Variants in PSD3 observed in about 807,000 individuals in gnomAD.
PSD3 encodes pleckstrin and Sec7 domain containing 3, also known as PH and SEC7 domain-containing protein 3.
PSD3 carries 49 observed loss-of-function variants against 105.5 expected under a neutral mutation model. That is an observed-to-expected ratio of 0.46 (90% CI 0.37 to 0.59). The LOEUF (loss-of-function observed/expected upper bound fraction) is 0.59. Ranked by LOEUF, PSD3 falls within the 20% of genes least tolerant of loss-of-function variation. The pLI, the probability that PSD3 is intolerant of heterozygous loss-of-function variation, is 0.00. For missense variants in PSD3, 1,561 were observed against 1,263.8 expected (o/e 1.24, Z -3.57); for synonymous variants, 557 against 457.8 (o/e 1.22, Z -2.77).
intron 1 of PSD3, among the ~76,000 whole-genome samples, chr8:19,038,140 C>T (rs1442966795): frequency 6.6e-6 from 1 of 152,000 alleles, no homozygotes; most frequent in African/African-American, 2.4e-5. Context: ...AATTATCAGC[C>T]AACATGTGGC....
chr8:18,645,177 T>C (rs73587576), intron 10 of PSD3, among the ~76,000 whole-genome samples: 8,742 of 152,270 alleles, frequency 0.057, 349 homozygotes, highest in African/African-American at 0.11. Context: ...TAACACTGCA[T>C]TGGGGATTAA....
chr8:18,865,738 C>T (rs1816883281), intron 4 of PSD3, among the ~76,000 whole-genome samples: 1 of 152,108 alleles, frequency 6.6e-6, no homozygotes, highest in Admixed American at 6.6e-5. Context: ...ACCACTAGAA[C>T]GTGGTCCTTT....
intron 4 of PSD3, among the ~76,000 whole-genome samples, chr8:18,839,126 T>G (rs1030370286): frequency 2.6e-5 from 4 of 152,014 alleles, no homozygotes; most frequent in Non-Finnish European, 5.9e-5. Context: ...GCCAGGCTGC[T>G]TGCAGCTCAT....
chr8:19,068,062 G>C (rs2129477817), intron 1 of PSD3, among the ~76,000 whole-genome samples: 1 of 152,222 alleles, frequency 6.6e-6, no homozygotes, highest in South Asian at 2.1e-4. Flanking sequence ...TCACAGCTCA[G>C]GTCTGTGTGC....
chr8:18,742,569 T>G (rs1804659882), intron 9 of PSD3, among the ~76,000 whole-genome samples: 1 of 152,214 alleles, frequency 6.6e-6, no homozygotes, highest in South Asian at 2.1e-4. Flanking sequence ...CATAGATAGC[T>G]TTTGTGAAGG....
chr8:18,955,198 A>C (rs1256573801), intron 1 of PSD3, among the ~76,000 whole-genome samples: 1 of 152,152 alleles, frequency 6.6e-6, no homozygotes, highest in Non-Finnish European at 1.5e-5. Flanking sequence ...TCTGGAATCT[A>C]TCTGAAGGGG....
intron 10 of PSD3, among the ~76,000 whole-genome samples, chr8:18,633,059 G>A (rs1807014853): frequency 6.6e-6 from 1 of 151,956 alleles, no homozygotes. Flanking sequence ...GAGTTTAAAT[G>A]TACAAGGCCA....
At chr8:18,911,953 C>T (rs1820252213) in intron 2 of PSD3, among the ~76,000 whole-genome samples, 1 of 152,176 alleles carries the variant, frequency 6.6e-6, no homozygotes, top group African/African-American at 2.4e-5. Flanking sequence ...ACTATCCGTC[C>T]ACAAACAGCC....
chr8:18,981,520 G>C lies in PSD3; in HGVS notation c.21+32043C>G, dbSNP rs528605884. 3.9e-5 allele frequency among the ~76,000 whole-genome samples: 6 copies of C among 152,286 alleles called. No individual in the cohort carries two copies. In the East Asian group the frequency reaches 1.2e-3, roughly 29 times the overall value. ...GTTGTTATAAGGAACAAGTAAGCTA[G>C]CACTTGAAAAGTATTTAGAAGACTT... is the stretch of plus-strand genomic sequence containing the variant. On this transcript the variant is annotated intron_variant, in intron 1 of 15. Transcript: ENST00000327040.
intron 9 of PSD3, among the ~76,000 whole-genome samples, chr8:18,684,426 G>A (rs1313768906): frequency 2.0e-5 from 3 of 152,096 alleles, no homozygotes; most frequent in African/African-American, 7.2e-5. Context: ...GGCACCATGT[G>A]GGGTGGGAAC....
At chr8:18,669,102 G>C (rs372601281) in intron 9 of PSD3, among the ~76,000 whole-genome samples, 1 of 152,102 alleles carries the variant, frequency 6.6e-6, no homozygotes, top group African/African-American at 2.4e-5. Flanking sequence ...CCTACATAGC[G>C]TACCTTGCTT....
intron 4 of PSD3, among the ~76,000 whole-genome samples, chr8:18,855,697 G>A (rs1328081372): frequency 1.8e-5 from 1 of 55,256 alleles, no homozygotes; most frequent in Non-Finnish European, 3.1e-5. Context: ...TGAAAAGTGT[G>A]TGAAACACTG....
At chr8:18,712,764 C>T (rs190613302) in intron 9 of PSD3, among the ~76,000 whole-genome samples, 280 of 152,272 alleles carry the variant, frequency 1.8e-3, no homozygotes, top group Middle Eastern at 0.014. Flanking sequence ...AAAGGAAGAA[C>T]TCCTCCCTTA....
rs1446099303 is a variant in PSD3, at chr8:18,872,640, G to T, written c.224C>A (p.Ala75Asp). Residue 75 changes from alanine to aspartate, a missense_variant, in exon 3 of 16, where the codon GCT (alanine) becomes GAT (aspartate). Physicochemically the swap from Ala to Asp is moderately radical, Grantham distance 126. Transcript: ENST00000327040. ...AGCCTCACCATCAAATTCCAGAGAAGCCCTTAGGCCTTCTCCACCTTCCTC... is the reference window on the plus strand; with the variant it reads ...AGCCTCACCATCAAATTCCAGAGAATCCCTTAGGCCTTCTCCACCTTCCTC... ...TMEEGGEGLR[A>D]SLEFDGEALP... 2 of 1,613,390 alleles carry T rather than the reference G, an allele frequency of 1.2e-6. No homozygotes were observed. The highest frequency in any genetic ancestry group is 2.2e-5 in the South Asian group (2 of 90,924).
intron 1 of PSD3, among the ~76,000 whole-genome samples, chr8:18,952,156 G>A (rs1227026356): frequency 6.6e-6 from 1 of 152,090 alleles, no homozygotes; most frequent in African/African-American, 2.4e-5. Flanking sequence ...TCACCAAGAG[G>A]TGTCCTCAAT....
At chr8:18,616,675 G>A (rs1484167438) in intron 11 of PSD3, among the ~76,000 whole-genome samples, 6 of 136,602 alleles carry the variant, frequency 4.4e-5, no homozygotes, top group African/African-American at 1.6e-4. Flanking sequence ...CCAGGCTGGA[G>A]TGCAGTGGCG....
chr8:19,019,715 C>T (rs1827299831), intron 1 of PSD3, among the ~76,000 whole-genome samples: 1 of 152,122 alleles, frequency 6.6e-6, no homozygotes. Flanking sequence ...TCATGATATG[C>T]TTGGATTTCA....
chr8:18,922,707 TGACTGGCTATA>T lies in PSD3; in HGVS notation c.130+13316_130+13326del, dbSNP rs141358146. Among the ~76,000 whole-genome samples the T allele has an allele frequency of 9.8e-3, 1,487 of 152,340 alleles. 14 individuals are homozygous for T. The highest frequency in any genetic ancestry group is 0.014 in the Non-Finnish European group (941 of 68,036). ...CCGTAGGTTGTTTCACCTGCGCTTC[TGACTGGCTATA>T]AATCAGGATTCTCACAGCCCCCTCC... is the stretch of plus-strand genomic sequence containing the variant. On this transcript the variant is annotated intron_variant, in intron 2 of 15. Transcript: ENST00000327040.
At chr8:18,994,411 A>G (rs1586596096) in intron 1 of PSD3, among the ~76,000 whole-genome samples, 1 of 152,078 alleles carries the variant, frequency 6.6e-6, no homozygotes, top group African/African-American at 2.4e-5. Flanking sequence ...ATGCCTCACT[A>G]CAGCAAATCA....
Sources: allele counts gnomAD v4.1 joint callset (sites outside exome capture counted in the v4.1 genomes callset), GRCh38; gene constraint gnomAD v4.1.1; transcripts MANE v1.5; gene names NCBI Gene and HGNC (gene_info 2026-07-23, HGNC 2026-07-21).